SORCS3: variants seen among roughly 807,000 people sequenced by gnomAD.
The protein encoded by SORCS3 is sortilin related VPS10 domain containing receptor 3.
Under a neutral mutation model 146.3 loss-of-function variants are expected in SORCS3, and 57 were observed. That is an observed-to-expected ratio of 0.39 (90% CI 0.31 to 0.49). SORCS3 has a LOEUF of 0.49. Among genes scored for constraint, SORCS3 ranks in the 20% least tolerant of loss-of-function variants. The pLI is 0.92. For missense variants in SORCS3, 1,341 were observed against 1,575.5 expected, an observed-to-expected ratio of 0.85 and a Z score of 2.52; for synonymous variants, 653 against 618.5, an observed-to-expected ratio of 1.06 and a Z score of -0.83.
chr10:105,159,853 C>A (rs1430509972), intron 11 of SORCS3, among the ~76,000 whole-genome samples: 1 of 152,156 alleles, frequency 6.6e-6, no homozygotes, highest in Non-Finnish European at 1.5e-5. Context: ...TTTTAGATAC[C>A]ACCAGTGATG....
At chr10:105,086,994 GTCCTGGCCCATGCCTA>G (rs1564750462) in intron 5 of SORCS3, among the ~76,000 whole-genome samples, 5 of 33,188 alleles carry the variant, frequency 1.5e-4, no homozygotes, top group African/African-American at 6.6e-4. Context: ...CCATGCCTAT[GTCCTGGCCCATGCCTA>G]TGTCCTGAAT....
At chr10:104,826,201 A>T (rs1226012061) in intron 1 of SORCS3, among the ~76,000 whole-genome samples, 1 of 152,168 alleles carries the variant, frequency 6.6e-6, no homozygotes. Flanking sequence ...TGTAATACAC[A>T]TCAAGCATCA....
chr10:104,712,664 G>T (rs115710988), intron 1 of SORCS3, among the ~76,000 whole-genome samples: 2,041 of 152,312 alleles, frequency 0.013, 45 homozygotes, highest in African/African-American at 0.046. Context: ...CCTCCATCTT[G>T]TAACAACAGT....
At chr10:105,145,488 C>A (rs1050173611) in intron 8 of SORCS3, among the ~76,000 whole-genome samples, 2 of 152,040 alleles carry the variant, frequency 1.3e-5, no homozygotes, top group African/African-American at 4.8e-5. Flanking sequence ...TTTCCCATTT[C>A]TTTTACATTA....
rs2019099437 is a variant in SORCS3, at chr10:104,922,733, C to T, written c.795+6801C>T. On this transcript the variant is annotated intron_variant, in intron 3 of 26. Transcript: ENST00000369701. ...TGGGGGCTAACAGGCTGTACCAAAT[C>T]TACTGTTATCCCTGTTTCCAGTTGG... Among the ~76,000 whole-genome samples, 5 of 152,052 alleles carry T rather than the reference C, an allele frequency of 3.3e-5. 2 individuals carry two copies. In the South Asian group the frequency reaches 1.0e-3, roughly 31 times the overall value.
intron 1 of SORCS3, chr10:104,665,607 T>C (rs1350512111): frequency 6.6e-6 from 1 of 152,262 alleles, no homozygotes; most frequent in Non-Finnish European, 1.5e-5. Context: ...CCTCCAGCAG[T>C]GCAGCCACGT....
intron 5 of SORCS3, among the ~76,000 whole-genome samples, chr10:105,081,233 C>T (rs763967207): frequency 6.6e-6 from 1 of 152,106 alleles, no homozygotes; most frequent in Non-Finnish European, 1.5e-5. Flanking sequence ...ATGCATACCC[C>T]AATATTCAGT....
intron 3 of SORCS3, among the ~76,000 whole-genome samples, chr10:104,949,099 A>AT (rs888431739): frequency 1.1e-4 from 17 of 150,548 alleles, no homozygotes; most frequent in South Asian, 4.2e-4. Context: ...AATAACCACA[A>AT]TTTTTTTTTT....
chr10:104,957,631 T>C (rs1280454917), intron 3 of SORCS3, among the ~76,000 whole-genome samples: 1 of 152,120 alleles, frequency 6.6e-6, no homozygotes, highest in Non-Finnish European at 1.5e-5. Flanking sequence ...TGGGCTCCTC[T>C]GTTTCTTACC....
At chr10:104,818,374 T>TTCCTTCCC (rs1045025836) in intron 1 of SORCS3, among the ~76,000 whole-genome samples, 4 of 148,896 alleles carry the variant, frequency 2.7e-5, no homozygotes, top group African/African-American at 1.0e-4. Context: ...CCTTCCTTCC[T>TTCCTTCCC]TCCTTCCTTC....
rs138232716 is a variant in SORCS3, at chr10:105,043,332, C to T, written c.1028+204C>T. 2.6e-3 allele frequency among the ~76,000 whole-genome samples: 390 copies of T among 152,116 alleles called. 4 individuals are homozygous for T. The highest frequency in any genetic ancestry group is 7.4e-4 in the Non-Finnish European group (50 of 68,016). On this transcript the variant is annotated intron_variant, in intron 5 of 26. Transcript: ENST00000369701. Reference sequence around the variant, plus strand: ...GAATCTCAGGCCCTATTAAGACTTACGAAACTGGGATTTGCATTTAACATG... The same window carrying T: ...GAATCTCAGGCCCTATTAAGACTTATGAAACTGGGATTTGCATTTAACATG...
At chr10:105,089,929 A>T in intron 6 of SORCS3, 90 bp downstream of exon 6, 1 of 1,033,626 alleles carries the variant, frequency 9.7e-7, no homozygotes, top group Middle Eastern at 2.6e-4. Context: ...TCTTGGGAAG[A>T]TGAAAAGCTC....
At chr10:104,771,797 T>A (rs1235252522) in intron 1 of SORCS3, among the ~76,000 whole-genome samples, 2 of 151,594 alleles carry the variant, frequency 1.3e-5, no homozygotes. Context: ...TCAAGCAACC[T>A]GCATCACACT....
intron 1 of SORCS3, among the ~76,000 whole-genome samples, chr10:104,744,864 G>C (rs1027298777): frequency 1.3e-5 from 2 of 152,220 alleles, no homozygotes; most frequent in African/African-American, 2.4e-5. Context: ...TAAGATATGA[G>C]TGGTGTATTA....
At chr10:105,179,391 C>T (rs982440787) in intron 14 of SORCS3, among the ~76,000 whole-genome samples, 8 of 152,192 alleles carry the variant, frequency 5.3e-5, no homozygotes, top group Admixed American at 5.2e-4. Context: ...AAACCATTTA[C>T]TGAAAAGATG....
intron 6 of SORCS3, among the ~76,000 whole-genome samples, chr10:105,090,269 G>A (rs1219258127): frequency 2.0e-5 from 3 of 152,042 alleles, no homozygotes; most frequent in African/African-American, 2.4e-5. Flanking sequence ...TCATCCATTC[G>A]AGATATTTAG....
At chr10:104,660,635 C>T (rs550535048) in intron 1 of SORCS3, among the ~76,000 whole-genome samples, 1 of 152,026 alleles carries the variant, frequency 6.6e-6, no homozygotes, top group South Asian at 2.1e-4. Context: ...TTTTCTGAGC[C>T]CTTCACATTT....
intron 2 of SORCS3, among the ~76,000 whole-genome samples, chr10:104,883,846 A>G (rs1330289723): frequency 6.6e-6 from 1 of 152,150 alleles, no homozygotes; most frequent in Non-Finnish European, 1.5e-5. Flanking sequence ...GCTCTTTCCC[A>G]TAGACTCCTG....
At chr10:105,010,332 C>T (rs574975777) in intron 4 of SORCS3, among the ~76,000 whole-genome samples, 12 of 152,322 alleles carry the variant, frequency 7.9e-5, no homozygotes, top group Admixed American at 2.6e-4. Flanking sequence ...TCTTCTGGTT[C>T]TATGTTTCTG....
Sources: gnomAD v4.1 joint callset for allele counts (sites outside exome capture counted in the v4.1 genomes callset) on GRCh38, gnomAD v4.1.1 for gene constraint, MANE v1.5 for transcripts, NCBI Gene and HGNC (gene_info 2026-07-23, HGNC 2026-07-21) for gene names.